TASOR2: variants seen among roughly 807,000 people sequenced by gnomAD.
TASOR2 encodes the protein protein TASOR 2.
Under a neutral mutation model 199.5 loss-of-function variants are expected in TASOR2, and 84 were observed. The observed-to-expected ratio is 0.42, with a 90% CI of 0.35 to 0.50. The LOEUF (loss-of-function observed/expected upper bound fraction) is 0.50, where lower values mean the gene tolerates loss of function less well. Ranked by LOEUF, TASOR2 falls within the 20% of genes least tolerant of loss-of-function variation. TASOR2 has a pLI of 0.02. For missense variants in TASOR2, 2,796 were observed against 2,835.9 expected (o/e 0.99, Z 0.32); for synonymous variants, 1,103 against 1,046.6 (o/e 1.05, Z -1.04).
At chr10:5,746,803 T>G (rs1324025449) in exon 15 of TASOR2, 1 of 1,614,176 alleles carries the variant, frequency 6.2e-7, no homozygotes, top group Non-Finnish European at 8.5e-7. Flanking sequence ...TTGTGCCTCG[T>G]CAGTAGGTGG....
chr10:5,748,391 C>G lies in TASOR2; in HGVS notation c.4970C>G (p.Thr1657Arg). ...GGATGCATGTGCTCAGTGGTCCCCA[C>G]GCTTTGTTCTTCCTCAGACAATGCT... The change falls in exon 15 of 21, where the codon ACG becomes AGG. Residue 1657 changes from threonine to arginine, a missense_variant. Thr to Arg is a moderately conservative substitution (Grantham distance 71). This residue lies in a region of TASOR2 where 1,941 missense variants were observed against 1,924.9 expected (regional missense o/e 1.01). Transcript: ENST00000328090. This position sits in a 1 kb window ranked among gnomAD's most constrained non-coding sequence, Gnocchi z 5.1. 4 of 1,614,228 alleles carry G rather than the reference C, an allele frequency of 2.5e-6. No homozygotes were observed. The highest frequency in any genetic ancestry group is 1.7e-5 in the Admixed American group (1 of 60,018).
chr10:5,739,049 A>G (rs1373837052), intron 12 of TASOR2, among the ~76,000 whole-genome samples: 1 of 152,240 alleles, frequency 6.6e-6, no homozygotes, highest in Non-Finnish European at 1.5e-5. Flanking sequence ...CTAATTTTTT[A>G]TTTCTATCAC....
At chr10:5,713,835 T>TA (rs1241735003) in intron 2 of TASOR2, 2 of 189,992 alleles carry the variant, frequency 1.1e-5, no homozygotes, top group Non-Finnish European at 2.1e-5. Flanking sequence ...TTAATCAAAA[T>TA]ACAGATTGCT....
intron 11 of TASOR2, among the ~76,000 whole-genome samples, chr10:5,733,613 C>G (rs1835152295): frequency 6.6e-6 from 1 of 152,208 alleles, no homozygotes; most frequent in Non-Finnish European, 1.5e-5. Context: ...GTAAACAAAA[C>G]AATCTATGCA....
Position 5,699,574 on chromosome 10 carries a change from G to C in TASOR2, c.-287-13249G>C, listed in dbSNP as rs537056867. On this transcript the variant is annotated intron_variant, in intron 1 of 20. Coordinates refer to ENST00000328090, the Ensembl canonical transcript of TASOR2. This position sits in a 1 kb window ranked among gnomAD's most constrained non-coding sequence, Gnocchi z 4.1. ...AGTTACGGAGAACTACTGGAAAGAA[G>C]AAATACAAGAACTCAAGGAAGAGAC... The C allele has an allele frequency of 2.6e-5, 4 of 152,466 alleles. No individual in the cohort carries two copies. The highest frequency in any genetic ancestry group is 9.6e-5 in the African/African-American group (4 of 41,536). The allele number at this position is 152,466 out of a possible 1,614,324, so 9.4% of individuals were successfully genotyped here.
intron 1 of TASOR2, chr10:5,712,551 G>A: frequency 8.1e-7 from 1 of 1,231,292 alleles, no homozygotes; most frequent in Non-Finnish European, 1.0e-6. Flanking sequence ...TGAGGTGCTT[G>A]GTACACACTA....
intron 12 of TASOR2, among the ~76,000 whole-genome samples, chr10:5,736,217 C>T (rs982752491): frequency 2.6e-5 from 4 of 151,926 alleles, no homozygotes; most frequent in African/African-American, 9.7e-5. Context: ...TCAGGAGTTC[C>T]AGACCAGCCT....
rs1424671295 is a variant in TASOR2, at chr10:5,748,410, C to T, written c.4989C>T (p.Asp1663=). The T allele has an allele frequency of 1.9e-6, 3 of 1,614,216 alleles. No homozygotes were observed. Among genetic ancestry groups the T allele is most frequent in the Non-Finnish European group, 2.5e-6 (3 of 1,180,042 alleles). ...TCCCCACGCTTTGTTCTTCCTCAGA[C>T]AATGCTACATTAACCCATTATGTAA... Residue 1663 remains aspartate, a synonymous_variant, in exon 15 of 21, where the codon GAC becomes GAT. Coordinates refer to ENST00000328090, the Ensembl canonical transcript of TASOR2. The surrounding 1 kb of genome is among the most constrained non-coding windows in gnomAD (Gnocchi z 5.1).
chr10:5,694,423 C>T (rs530140602), intron 1 of TASOR2, among the ~76,000 whole-genome samples: 2 of 152,076 alleles, frequency 1.3e-5, no homozygotes, highest in Non-Finnish European at 2.9e-5. Flanking sequence ...TGGCATACAA[C>T]AATGAAAAGG....
chr10:5,715,193 C>A (rs34404996), intron 2 of TASOR2, among the ~76,000 whole-genome samples: 3 of 149,506 alleles, frequency 2.0e-5, no homozygotes, highest in South Asian at 4.3e-4. Flanking sequence ...GAAAGATTAT[C>A]GGGCTTCATG....
At position 5,712,937 on chromosome 10, in the gene TASOR2, A is replaced by T; in HGVS notation, c.-192+19A>T. The T allele has an allele frequency of 8.8e-7, 1 of 1,142,742 alleles. No homozygotes were observed. Among genetic ancestry groups the T allele is most frequent in the African/African-American group, 1.6e-5 (1 of 62,748 alleles). 70.8% of individuals were successfully genotyped at this position (1,142,742 alleles called of 1,614,324 possible). A position where few individuals can be genotyped will look rare whatever the true frequency, so the allele number is the denominator to read the frequency against. ...AAAGCAGGTAAGGGAATTAGGTTGTAGAAAATTAATGGTATCATTAGTCTT... is the reference window on the plus strand; with the variant it reads ...AAAGCAGGTAAGGGAATTAGGTTGTTGAAAATTAATGGTATCATTAGTCTT... On this transcript the variant is annotated intron_variant, in intron 2 of 20. Coordinates refer to ENST00000328090, the Ensembl canonical transcript of TASOR2.
rs1837886439 is a variant in TASOR2 at position 5,701,775 on chromosome 10, T to C, written c.-287-11048T>C. 6.6e-6 allele frequency among the ~76,000 whole-genome samples: 1 copy of C among 152,238 alleles called. No individual in the cohort carries two copies. Among genetic ancestry groups the C allele is most frequent in the African/African-American group, 2.4e-5 (1 of 41,454 alleles). ...TTTTTCAGATTGCTTGCAGTTGGTGTATACCAACGCTACCGATTTTTGTAT... is the reference window on the plus strand; with the variant it reads ...TTTTTCAGATTGCTTGCAGTTGGTGCATACCAACGCTACCGATTTTTGTAT... On this transcript the variant is annotated intron_variant, in intron 1 of 20. Coordinates refer to ENST00000328090, the Ensembl canonical transcript of TASOR2. This position sits in a 1 kb window ranked among gnomAD's most constrained non-coding sequence, Gnocchi z 4.9.
At position 5,752,389 on chromosome 10, in the gene TASOR2, T is replaced by C. The variant is rs992064870; in HGVS notation, c.6606+2362T>C. Among the ~76,000 whole-genome samples, 1 of 152,186 alleles carries C rather than the reference T, an allele frequency of 6.6e-6. No individual in the cohort carries two copies. The highest frequency in any genetic ancestry group is 1.5e-5 in the Non-Finnish European group (1 of 68,028). Reference sequence around the variant, plus strand: ...GCACAGAAAGCAGAGCATAGGGGCCTGCAGGCCGCGTGCAAAACTGGACGT... The same window carrying C: ...GCACAGAAAGCAGAGCATAGGGGCCCGCAGGCCGCGTGCAAAACTGGACGT... On this transcript the variant is annotated intron_variant, in intron 15 of 20. Coordinates refer to ENST00000328090, the Ensembl canonical transcript of TASOR2. The surrounding 1 kb of genome is among the most constrained non-coding windows in gnomAD (Gnocchi z 4.4).
At chr10:5,759,571 G>A (rs1839466081) in intron 18 of TASOR2, among the ~76,000 whole-genome samples, 1 of 152,204 alleles carries the variant, frequency 6.6e-6, no homozygotes, top group Admixed American at 6.5e-5. Flanking sequence ...AGGATTTCAG[G>A]CACTGTTAGG....
exon 15 of TASOR2, chr10:5,746,572 C>T (rs752509208): frequency 1.2e-6 from 2 of 1,614,144 alleles, no homozygotes; most frequent in East Asian, 4.5e-5. Context: ...TAACCCGGAA[C>T]CAATTACTCT....
At position 5,740,201 on chromosome 10, in the gene TASOR2, G is replaced by C. The variant is rs764355635; in HGVS notation, c.2031G>C (p.Leu677=). Residue 677 remains leucine, a synonymous_variant, in exon 13 of 21, where the codon CTG becomes CTC. Coordinates refer to ENST00000328090, the Ensembl canonical transcript of TASOR2. The surrounding 1 kb of genome is among the most constrained non-coding windows in gnomAD (Gnocchi z 5.3). ...AGGAGAGAGAGATACTAAGCCCTCT[G>C]TTTCCCAGGAATGGGACAAAAAGCC... The C allele has an allele frequency of 7.4e-6, 12 of 1,614,104 alleles. No homozygotes were observed. The highest frequency in any genetic ancestry group is 4.4e-5 in the South Asian group (4 of 91,094).
chr10:5,756,916 G>A (rs922495266), intron 16 of TASOR2, among the ~76,000 whole-genome samples, 178 bp downstream of exon 17: 9 of 152,156 alleles, frequency 5.9e-5, no homozygotes, highest in African/African-American at 2.2e-4. Context: ...TATTTGTAGG[G>A]CAGATGGTTA....
chr10:5,705,107 G>A (rs1390235125), intron 1 of TASOR2, among the ~76,000 whole-genome samples: 3 of 152,186 alleles, frequency 2.0e-5, no homozygotes, highest in African/African-American at 7.2e-5. Flanking sequence ...AAAATAGTGT[G>A]TGTCCATCAC....
At chr10:5,686,810 A>C (rs1459223743) in intron 1 of TASOR2, among the ~76,000 whole-genome samples, 1 of 152,178 alleles carries the variant, frequency 6.6e-6, no homozygotes, top group Non-Finnish European at 1.5e-5. Context: ...GTTTTTATTG[A>C]GTCTGAGCTC....
Sources: gnomAD v4.1 joint callset for allele counts (sites outside exome capture counted in the v4.1 genomes callset) on GRCh38, gnomAD v4.1.1 for gene constraint, gnomAD v4.1.1 regional missense constraint, Gnocchi (gnomAD v3.1) non-coding constraint, MANE v1.5 for transcripts, NCBI Gene and HGNC (gene_info 2026-07-23, HGNC 2026-07-21) for gene names.